Variants in DHCR24 observed in about 807,000 individuals in gnomAD.
DHCR24 encodes 24-dehydrocholesterol reductase, also known as delta(24)-sterol reductase.
Under a neutral mutation model 61.2 loss-of-function variants are expected in DHCR24, and 28 were observed. The observed-to-expected ratio is 0.46, with a 90% CI of 0.34 to 0.63. The LOEUF (loss-of-function observed/expected upper bound fraction) is 0.63, where lower values mean the gene tolerates loss of function less well. Ranked by LOEUF, DHCR24 falls within the 20% of genes least tolerant of loss-of-function variation. The probability of loss-of-function intolerance (pLI) is 0.01; values close to 1 mark genes in which losing one functional copy is unlikely to be tolerated. For missense variants in DHCR24, 538 were observed against 679.1 expected, an observed-to-expected ratio of 0.79 and a Z score of 2.31; for synonymous variants, 261 against 275.9, an observed-to-expected ratio of 0.95 and a Z score of 0.54.
At chr1:54,866,377 C>T (rs1415732212) in intron 5 of DHCR24, among the ~76,000 whole-genome samples, 2 of 148,878 alleles carry the variant, frequency 1.3e-5, no homozygotes, top group Non-Finnish European at 3.0e-5. Flanking sequence ...GAGACAGAGT[C>T]TCGCTCTGTC....
chr1:54,884,045 G>T (rs1354983817), intron 1 of DHCR24, among the ~76,000 whole-genome samples: 1 of 152,222 alleles, frequency 6.6e-6, no homozygotes, highest in African/African-American at 2.4e-5. Flanking sequence ...CTCTAGCTGG[G>T]AAGTTCAGAA....
At chr1:54,868,892 C>T (rs762947668) in intron 5 of DHCR24, among the ~76,000 whole-genome samples, 2 of 152,096 alleles carry the variant, frequency 1.3e-5, no homozygotes, top group Non-Finnish European at 2.9e-5. Flanking sequence ...CATGGCGAAA[C>T]CCCGTCTCTA....
At chr1:54,877,115 T>A (rs12125177) in intron 2 of DHCR24, among the ~76,000 whole-genome samples, 3,629 of 151,904 alleles carry the variant, frequency 0.024, 187 homozygotes, top group East Asian at 0.17. Flanking sequence ...GGGATGACTT[T>A]GAATAGAATG....
At chr1:54,881,390 A>G (rs757556038) in intron 2 of DHCR24, among the ~76,000 whole-genome samples, 32 of 152,226 alleles carry the variant, frequency 2.1e-4, no homozygotes, top group Non-Finnish European at 4.1e-4. Context: ...TATGAAAAAA[A>G]GCTCAACATT....
chr1:54,875,329 G>A (rs891740885), intron 3 of DHCR24, 118 bp from the exon 4 acceptor site: 11 of 854,218 alleles, frequency 1.3e-5, no homozygotes, highest in Non-Finnish European at 2.0e-5. Flanking sequence ...CAGAAATGGG[G>A]CTGTTGACTT....
intron 8 of DHCR24, 134 bp downstream of exon 8, chr1:54,853,300 C>T (rs2101554726): frequency 8.5e-7 from 1 of 1,171,034 alleles, no homozygotes; most frequent in Non-Finnish European, 1.2e-6. Context: ...GAGGCTGCCA[C>T]AGCTGCAGGG....
At chr1:54,857,770 T>C (rs536106845) in intron 6 of DHCR24, among the ~76,000 whole-genome samples, 12 of 152,358 alleles carry the variant, frequency 7.9e-5, no homozygotes, top group African/African-American at 2.9e-4. Flanking sequence ...GTACCTTTAA[T>C]GGCACTTCTG....
rs1557442336 is a variant in DHCR24, at chr1:54,887,146, CG to C, written c.-28del. 6.5e-7 allele frequency: 1 copy of C among 1,536,338 alleles called. No individual in the cohort carries two copies. The highest frequency in any genetic ancestry group is 1.2e-5 in the South Asian group (1 of 83,940). ...GTGCGGCGCCGCGCGGTAAGCGCTG[CG>C]GGTTCGCGCCTCCTGTCACTGCCGC... On this transcript the variant is annotated 5_prime_UTR_variant, in exon 1 of 9. Transcript: ENST00000371269.
rs1557440760 is a variant in DHCR24 at position 54,883,276 on chromosome 1, C to G, written c.387+342G>C. On this transcript the variant is annotated intron_variant, in intron 2 of 8. Coordinates refer to ENST00000371269, the MANE Select transcript of DHCR24 (RefSeq NM_014762.4). This position sits in a 1 kb window ranked among gnomAD's most constrained non-coding sequence, Gnocchi z 4.3. ...GGTTTCCAGGAAGCTTGTAACAAGA[C>G]CCATGTCTCTCAGTCACTTCTGTAG... is the stretch of plus-strand genomic sequence containing the variant. Among the ~76,000 whole-genome samples the G allele has an allele frequency of 6.6e-6, 1 of 152,182 alleles. No individual in the cohort carries two copies. The highest frequency in any genetic ancestry group is 2.4e-5 in the African/African-American group (1 of 41,444).
At chr1:54,862,383 T>C (rs1432078383) in intron 6 of DHCR24, among the ~76,000 whole-genome samples, 1 of 152,208 alleles carries the variant, frequency 6.6e-6, no homozygotes, top group African/African-American at 2.4e-5. Context: ...GACATTCCTA[T>C]GGCCAAATCC....
chr1:54,886,675 T>G, intron 1 of DHCR24: 1 of 1,501,356 alleles, frequency 6.7e-7, no homozygotes, highest in Non-Finnish European at 8.9e-7. Flanking sequence ...GGTACCCGCA[T>G]ATGCCCTGCA....
chr1:54,871,499 C>T lies in DHCR24; in HGVS notation c.727G>A (p.Glu243Lys), dbSNP rs200217334. ...PAKKYVKLRF[E>K]PVRGLEAICA... ...ATAGCCTCCAGGCCCCGCACTGGCT[C>T]GAAACGCAGCTTGACGTACTTCTTG... The change falls in exon 5 of 9, where the codon GAG (glutamate) becomes AAG (lysine). Residue 243 changes from glutamate (E) to lysine (K), a missense_variant. Physicochemically the swap from Glu to Lys is moderately conservative, Grantham distance 56. Transcript: ENST00000371269. 2.7e-5 allele frequency: 44 copies of T among 1,614,196 alleles called. No homozygotes were observed. The African/African-American group carries it at 4.7e-4, about 17-fold the overall frequency.
intron 6 of DHCR24, among the ~76,000 whole-genome samples, chr1:54,860,936 C>T (rs967185953): frequency 1.3e-5 from 2 of 150,814 alleles, no homozygotes; most frequent in African/African-American, 2.4e-5. Flanking sequence ...TGCAGTGAGC[C>T]GAGATCCAGC....
intron 2 of DHCR24, among the ~76,000 whole-genome samples, chr1:54,876,248 A>G (rs886216878): frequency 4.6e-5 from 7 of 152,160 alleles, no homozygotes; most frequent in African/African-American, 1.7e-4. Flanking sequence ...CTAGTGTTCA[A>G]CCTCGCCCTT....
chr1:54,885,327 T>C (rs1415450513), intron 1 of DHCR24, among the ~76,000 whole-genome samples: 4 of 151,796 alleles, frequency 2.6e-5, no homozygotes, highest in Admixed American at 6.6e-5. Flanking sequence ...TGATTAGGGG[T>C]GCTGCACTGA....
intron 6 of DHCR24, among the ~76,000 whole-genome samples, chr1:54,856,729 A>G (rs1291648032): frequency 6.6e-6 from 1 of 152,256 alleles, no homozygotes; most frequent in African/African-American, 2.4e-5. Context: ...TACTTCGTAT[A>G]TGTTATCTTT....
chr1:54,856,563 T>C (rs586108), intron 6 of DHCR24, among the ~76,000 whole-genome samples: 50,959 of 151,744 alleles, frequency 0.34, 8,925 homozygotes, highest in East Asian at 0.59. Flanking sequence ...GATTGCACCA[T>C]TGCACTCCAG....
At chr1:54,886,733 T>C (rs1424399921) in intron 1 of DHCR24, 156 bp downstream of exon 1, 1 of 1,344,338 alleles carries the variant, frequency 7.4e-7, no homozygotes, top group Non-Finnish European at 9.7e-7. Context: ...CATCACATTT[T>C]TGTTTCGTTC....
Position 54,854,220 on chromosome 1 carries a change from A to C in DHCR24, c.1035T>G (p.Phe345Leu), listed in dbSNP as rs771779918. The change falls in exon 7 of 9, where the codon TTT becomes TTG. Residue 345 changes from phenylalanine (F) to leucine (L), a missense_variant. Phe to Leu is a conservative substitution (Grantham distance 22). Coordinates refer to ENST00000371269, the MANE Select transcript of DHCR24 (RefSeq NM_014762.4). Reference protein sequence around the residue: ...IFWELQDIIPFGNNPIFRYLF... With the variant: ...IFWELQDIIPLGNNPIFRYLF... ...GGTAGCGGAAGATGGGGTTGTTGCCAAAGGGGATAATGTCCTGGAAAACAA... is the reference window on the plus strand; with the variant it reads ...GGTAGCGGAAGATGGGGTTGTTGCCCAAGGGGATAATGTCCTGGAAAACAA... The C allele has an allele frequency of 6.2e-7, 1 of 1,613,804 alleles. No individual in the cohort carries two copies. Among genetic ancestry groups the C allele is most frequent in the Admixed American group, 1.7e-5 (1 of 59,992 alleles).
Sources: allele counts gnomAD v4.1 joint callset (sites outside exome capture counted in the v4.1 genomes callset), GRCh38; gene constraint gnomAD v4.1.1; non-coding constraint Gnocchi (gnomAD v3.1); transcripts MANE v1.5; gene names NCBI Gene and HGNC (gene_info 2026-07-23, HGNC 2026-07-21).